IL33: variants seen among roughly 807,000 people sequenced by gnomAD.
IL33 encodes the protein interleukin 33.
In IL33, 37 loss-of-function variants were observed where a neutral mutation model predicts 27.3. The observed-to-expected ratio is 1.36, with a 90% confidence interval of 1.04 to 1.78. IL33 has a LOEUF of 1.78. Among genes scored for constraint, IL33 ranks in the 40% most tolerant of loss-of-function variants. IL33 has a pLI of 0.00. For synonymous variants in IL33, 132 were observed against 102.9 expected (o/e 1.28, Z -1.71); for missense variants, 406 against 311.4 (o/e 1.30, Z -2.29).
rs201514206 is a variant in IL33, at chr9:6,241,834, T to C, written c.91+49T>C. ...ATGTTTTACGCACTATTTTTATCTGTTATCAAATATTTATACTCCAATGTT... is the reference window on the plus strand; with the variant it reads ...ATGTTTTACGCACTATTTTTATCTGCTATCAAATATTTATACTCCAATGTT... On this transcript the variant is annotated intron_variant, in intron 2 of 7. Transcript: ENST00000682010. 34 of 1,231,078 alleles carry C rather than the reference T, an allele frequency of 2.8e-5. No homozygotes were observed. In the East Asian group the frequency reaches 8.4e-4, roughly 30 times the overall value. The allele number at this position is 1,231,078 out of a possible 1,614,324, so 76.3% of individuals were successfully genotyped here. A position where few individuals can be genotyped will look rare whatever the true frequency, so the allele number is the denominator to read the frequency against.
intron 1 of IL33, among the ~76,000 whole-genome samples, chr9:6,227,152 T>A (rs1291860012): frequency 6.6e-6 from 1 of 152,262 alleles, no homozygotes; most frequent in Non-Finnish European, 1.5e-5. Flanking sequence ...TATTCCCTTC[T>A]GCCGAGTTTA....
intron 1 of IL33, among the ~76,000 whole-genome samples, chr9:6,223,936 G>A (rs1362221153): frequency 6.6e-6 from 1 of 152,122 alleles, no homozygotes; most frequent in Non-Finnish European, 1.5e-5. Flanking sequence ...GGAAAAAATG[G>A]TTAACCCAGC....
intron 1 of IL33, among the ~76,000 whole-genome samples, chr9:6,225,929 T>C (rs1286253444): frequency 6.6e-6 from 1 of 152,192 alleles, no homozygotes; most frequent in East Asian, 1.9e-4. Context: ...AGGCTCATTA[T>C]GATGCCCTGG....
At chr9:6,225,629 T>G (rs2130130580) in intron 1 of IL33, among the ~76,000 whole-genome samples, 4 of 152,356 alleles carry the variant, frequency 2.6e-5, no homozygotes, top group Middle Eastern at 3.4e-3. Flanking sequence ...AGGGCTACTC[T>G]AAGACTGTAA....
intron 1 of IL33, among the ~76,000 whole-genome samples, chr9:6,219,127 T>C (rs563938967): frequency 6.6e-6 from 1 of 151,414 alleles, no homozygotes; most frequent in East Asian, 2.0e-4. Flanking sequence ...AGCAGGAACA[T>C]TTAGAAACAT....
rs1479842662 is a variant in IL33 at position 6,256,227 on chromosome 9, T to C, written c.*59T>C. The C allele has an allele frequency of 2.4e-6, 3 of 1,252,400 alleles. No homozygotes were observed. Among genetic ancestry groups the C allele is most frequent in the Non-Finnish European group, 3.5e-6 (3 of 860,692 alleles). 77.6% of individuals were successfully genotyped at this position (1,252,400 alleles called of 1,614,324 possible). The stretch of plus-strand genomic sequence containing the variant: ...CCAAATGCTACCACTGGAGAAGGAA[T>C]GAGAGATAAAGAAAGAGACAGGTGA... On this transcript the variant is annotated 3_prime_UTR_variant, in exon 8 of 8. Coordinates refer to ENST00000682010, the MANE Select transcript of IL33 (RefSeq NM_033439.4).
chr9:6,250,204 A>G (rs1816265726), intron 2 of IL33, among the ~76,000 whole-genome samples: 1 of 152,124 alleles, frequency 6.6e-6, no homozygotes, highest in Non-Finnish European at 1.5e-5. Flanking sequence ...ACTTTGTGTA[A>G]ATTTTCCTAT....
At chr9:6,215,163 A>T (rs752731142), upstream of IL33, among the ~76,000 whole-genome samples, 2 of 152,186 alleles carry the variant, frequency 1.3e-5, no homozygotes, top group Non-Finnish European at 2.9e-5. Flanking sequence ...ATGCCAAACG[A>T]GATGGAGAGA....
chr9:6,250,809 AAAC>A (rs1258644866), intron 3 of IL33, among the ~76,000 whole-genome samples: 1 of 152,256 alleles, frequency 6.6e-6, no homozygotes, highest in African/African-American at 2.4e-5. Flanking sequence ...TGTTAAGTGA[AAAC>A]AAAAGATACA....
At chr9:6,244,076 A>G (rs1330616467) in intron 2 of IL33, among the ~76,000 whole-genome samples, 5 of 152,208 alleles carry the variant, frequency 3.3e-5, no homozygotes, top group African/African-American at 1.2e-4. Context: ...TTTGTACCTC[A>G]GGAAGTATGG....
At chr9:6,248,928 A>G (rs990738544) in intron 2 of IL33, among the ~76,000 whole-genome samples, 4 of 152,210 alleles carry the variant, frequency 2.6e-5, no homozygotes, top group Admixed American at 6.5e-5. Flanking sequence ...ATTCTGTGAT[A>G]GTAGCAGAAA....
intron 1 of IL33, among the ~76,000 whole-genome samples, chr9:6,226,766 A>G (rs902516888): frequency 1.3e-5 from 2 of 152,218 alleles, no homozygotes; most frequent in Non-Finnish European, 2.9e-5. Context: ...TGCTTGTTCT[A>G]ATACACAAAG....
chr9:6,232,124 G>A (rs1818955894), intron 1 of IL33, among the ~76,000 whole-genome samples: 1 of 152,172 alleles, frequency 6.6e-6, no homozygotes. Context: ...TAAGAGGTTA[G>A]TGATTCAATA....
chr9:6,253,005 T>A lies in IL33; in HGVS notation c.469+14T>A. The A allele has an allele frequency of 4.2e-6, 6 of 1,443,212 alleles. No individual in the cohort carries two copies. The highest frequency in any genetic ancestry group is 5.7e-6 in the Non-Finnish European group (6 of 1,054,820). 89.4% of individuals were successfully genotyped at this position (1,443,212 alleles called of 1,614,324 possible). A position where few individuals can be genotyped will look rare whatever the true frequency, so the allele number is the denominator to read the frequency against. ...ATGAAAAGAAAGGTAGATTATTTTCTTTTTCTATAATAATGTAATAATGAC... is the reference window on the plus strand; with the variant it reads ...ATGAAAAGAAAGGTAGATTATTTTCATTTTCTATAATAATGTAATAATGAC... On this transcript the variant is annotated intron_variant, in intron 5 of 7. Transcript: ENST00000682010.
rs558587043 is a variant in IL33 at position 6,256,747 on chromosome 9, A to G, written c.*579A>G. 1.1e-4 allele frequency: 18 copies of G among 170,368 alleles called. No homozygotes were observed. The highest frequency in any genetic ancestry group is 1.9e-4 in the Non-Finnish European group (15 of 80,694). The allele number at this position is 170,368 out of a possible 1,614,324, so 10.6% of individuals were successfully genotyped here. A position where few individuals can be genotyped will look rare whatever the true frequency, so the allele number is the denominator to read the frequency against. ...TACTGTCAGGGGATATGGAACTTCAAAGGCCCACATGGCAAGCCAGGTAAC... is the reference window on the plus strand; with the variant it reads ...TACTGTCAGGGGATATGGAACTTCAGAGGCCCACATGGCAAGCCAGGTAAC... On this transcript the variant is annotated 3_prime_UTR_variant, in exon 8 of 8. Transcript: ENST00000682010.
chr9:6,255,884 C>T lies in IL33; in HGVS notation c.613-84C>T. ...AATATCAAGTCATAAATAAGTATTCCCCTTTAGTTTCCAATACAGGCAGGT... is the reference window on the plus strand; with the variant it reads ...AATATCAAGTCATAAATAAGTATTCTCCTTTAGTTTCCAATACAGGCAGGT... On this transcript the variant is annotated intron_variant, in intron 7 of 7. Coordinates refer to ENST00000682010, the MANE Select transcript of IL33 (RefSeq NM_033439.4). 21 of 1,051,116 alleles carry T rather than the reference C, an allele frequency of 2.0e-5. No homozygotes were observed. The South Asian group carries it at 2.7e-4, about 14-fold the overall frequency. 65.1% of individuals were successfully genotyped at this position (1,051,116 alleles called of 1,614,324 possible). A position where few individuals can be genotyped will look rare whatever the true frequency, so the allele number is the denominator to read the frequency against.
At chr9:6,216,640 C>T (rs1249032351) in intron 1 of IL33, among the ~76,000 whole-genome samples, 3 of 151,968 alleles carry the variant, frequency 2.0e-5, no homozygotes, top group Admixed American at 6.6e-5. Flanking sequence ...CCCAGCTACT[C>T]GGGAGGCTAA....
rs764680577 is a variant in IL33 at position 6,256,697 on chromosome 9, G to C, written c.*529G>C. On this transcript the variant is annotated 3_prime_UTR_variant, in exon 8 of 8. Transcript: ENST00000682010. ...ACCAGGTTTGTTTGTAGATGTCTTAGGCAACACTCAGAGCAGATCTCCCTT... is the reference window on the plus strand; with the variant it reads ...ACCAGGTTTGTTTGTAGATGTCTTACGCAACACTCAGAGCAGATCTCCCTT... 2.1e-5 allele frequency: 4 copies of C among 193,616 alleles called. No individual in the cohort carries two copies. Among genetic ancestry groups the C allele is most frequent in the Non-Finnish European group, 4.1e-5 (4 of 96,410 alleles). The allele number at this position is 193,616 out of a possible 1,614,324, so 12.0% of individuals were successfully genotyped here. A position where few individuals can be genotyped will look rare whatever the true frequency, so the allele number is the denominator to read the frequency against.
intron 2 of IL33, among the ~76,000 whole-genome samples, chr9:6,245,485 G>T (rs1042874322): frequency 8.5e-5 from 13 of 152,134 alleles, no homozygotes; most frequent in Non-Finnish European, 1.6e-4. Context: ...ACTGAGGAAT[G>T]ATAAAATATT....
Sources: allele counts gnomAD v4.1 joint callset (sites outside exome capture counted in the v4.1 genomes callset), GRCh38; gene constraint gnomAD v4.1.1; transcripts MANE v1.5; gene names NCBI Gene and HGNC (gene_info 2026-07-23, HGNC 2026-07-21).